The following IPO9 variants were observed in gnomAD, a reference collection of about 807,000 sequenced individuals.
IPO9 encodes the protein importin 9.
Under a neutral mutation model 128.6 loss-of-function variants are expected in IPO9, and 28 were observed. The observed-to-expected ratio is 0.22, with a 90% CI of 0.16 to 0.30. IPO9 has a LOEUF of 0.30. Ranked by LOEUF, IPO9 falls within the 10% of genes least tolerant of loss-of-function variation. The pLI, the probability that IPO9 is intolerant of heterozygous loss-of-function variation, is 1.00. For missense variants in IPO9, 935 were observed against 1,293.9 expected (o/e 0.72, Z 4.26); for synonymous variants, 455 against 475.8 (o/e 0.96, Z 0.57).
intron 6 of IPO9, among the ~76,000 whole-genome samples, chr1:201,854,148 T>TA (rs1242388291): frequency 6.6e-6 from 1 of 152,212 alleles, no homozygotes; most frequent in African/African-American, 2.4e-5. Context: ...GCTAGGATTA[T>TA]AGGTGTGAGC....
intron 1 of IPO9, among the ~76,000 whole-genome samples, chr1:201,833,801 T>A (rs1571536174): frequency 6.6e-6 from 1 of 152,256 alleles, no homozygotes; most frequent in Non-Finnish European, 1.5e-5. Flanking sequence ...TTCTTTTTTT[T>A]AAGATACAGA....
At chr1:201,855,707 T>C in intron 9 of IPO9, 76 bp from the exon 10 acceptor site, 1 of 1,269,474 alleles carries the variant, frequency 7.9e-7, no homozygotes, top group Non-Finnish European at 1.1e-6. Flanking sequence ...ACAAAGGTTA[T>C]GTAGTTCATT....
chr1:201,863,619 A>C lies in IPO9; in HGVS notation c.1628+12A>C, dbSNP rs1422259532. 1 of 1,561,478 alleles carries C rather than the reference A, an allele frequency of 6.4e-7. No homozygotes were observed. On this transcript the variant is annotated intron_variant, in intron 14 of 23. Transcript: ENST00000361565. The stretch of plus-strand genomic sequence containing the variant: ...AGAGCCATCTGGGGGTGAGTATGCT[A>C]CCCTAGCGTGATAATTAAGGGAAAG...
chr1:201,829,635 A>T (rs1679792853), intron 1 of IPO9: 1 of 363,570 alleles, frequency 2.8e-6, no homozygotes, highest in Non-Finnish European at 5.0e-6. Flanking sequence ...TGGAGCCTAG[A>T]ATCTGCAGGG....
In IPO9 at chr1:201,870,489, A is replaced by G; in HGVS notation, c.2134-94A>G. 1 of 1,400,574 alleles carries G rather than the reference A, an allele frequency of 7.1e-7. No homozygotes were observed. The highest frequency in any genetic ancestry group is 1.4e-5 in the South Asian group (1 of 71,970). 86.8% of individuals were successfully genotyped at this position (1,400,574 alleles called of 1,614,324 possible). A position where few individuals can be genotyped will look rare whatever the true frequency, so the allele number is the denominator to read the frequency against. ...TATAGACTCACCGCTTTTATGAGGC[A>G]TAGGCCTCTGGGAACATTTGTTTAT... On this transcript the variant is annotated intron_variant, in intron 17 of 23. Transcript: ENST00000361565. This position sits in a 1 kb window ranked among gnomAD's most constrained non-coding sequence, Gnocchi z 4.9.
intron 14 of IPO9, 47 bp from the exon 15 acceptor site, chr1:201,866,686 G>T (rs1438256834): frequency 7.1e-7 from 1 of 1,416,996 alleles, no homozygotes; most frequent in Non-Finnish European, 1.0e-6. Context: ...GGGAAAACCA[G>T]GAATTGAATT....
chr1:201,869,122 G>C (rs890746393), intron 16 of IPO9, among the ~76,000 whole-genome samples: 1 of 152,162 alleles, frequency 6.6e-6, no homozygotes, highest in African/African-American at 2.4e-5. Flanking sequence ...ATGGTGGCAG[G>C]CATCTGCAGT....
intron 1 of IPO9, 118 bp from the exon 2 acceptor site, chr1:201,847,161 T>A: frequency 1.3e-6 from 1 of 762,522 alleles, no homozygotes; most frequent in Middle Eastern, 3.5e-4. Flanking sequence ...TTATCAGCTC[T>A]TTTTGAAACA....
intron 1 of IPO9, among the ~76,000 whole-genome samples, chr1:201,839,626 T>G (rs540743965): frequency 6.8e-6 from 1 of 147,584 alleles, no homozygotes; most frequent in East Asian, 2.0e-4. Flanking sequence ...TAGACCCATA[T>G]CTCACACTAG....
At chr1:201,845,291 C>T (rs929953623) in intron 1 of IPO9, among the ~76,000 whole-genome samples, 2 of 152,216 alleles carry the variant, frequency 1.3e-5, no homozygotes, top group East Asian at 1.9e-4. Context: ...TCTGGGATTA[C>T]AGGCGTGAGC....
At chr1:201,869,120 AG>A (rs1680606162) in intron 16 of IPO9, among the ~76,000 whole-genome samples, 1 of 152,206 alleles carries the variant, frequency 6.6e-6, no homozygotes, top group Non-Finnish European at 1.5e-5. Flanking sequence ...GCATGGTGGC[AG>A]GCATCTGCAG....
chr1:201,866,850 G>A lies in IPO9; in HGVS notation c.1746G>A (p.Leu582=). Residue 582 remains leucine (L), a synonymous_variant, in exon 15 of 24, where the codon CTG becomes CTA. Transcript: ENST00000361565. The part of the protein sequence containing the change: ...AAQFSSEVLN[L]VMETLCIVCT... The stretch of plus-strand genomic sequence containing the variant: ...AGTTCAGCTCAGAGGTCCTCAACCT[G>A]GTGATGGAGACCCTGTGCATCGTTT... The A allele has an allele frequency of 6.2e-7, 1 of 1,614,168 alleles. No individual in the cohort carries two copies. The highest frequency in any genetic ancestry group is 1.3e-5 in the African/African-American group (1 of 75,024).
In IPO9 at chr1:201,854,608, T is replaced by A; in HGVS notation, c.704T>A (p.Val235Asp). 1 of 1,613,990 alleles carries A rather than the reference T, an allele frequency of 6.2e-7. No homozygotes were observed. The highest frequency in any genetic ancestry group is 1.1e-5 in the South Asian group (1 of 91,070). Residue 235 changes from valine (V) to aspartate (D), a missense_variant, in exon 7 of 24, where the codon GTC (valine) becomes GAC (aspartate). Physicochemically the swap from Val to Asp is radical, Grantham distance 152. This residue lies in a region of IPO9 where 741 missense variants were observed against 1,019.1 expected (regional missense o/e 0.73). Transcript: ENST00000361565. Reference protein sequence around the residue: ...MEELEKGAAKVLIFPVVQQFT... With the variant: ...MEELEKGAAKDLIFPVVQQFT... Reference sequence around the variant, plus strand: ...TTCTGTTATCAGGGTGCAGCCAAAGTCCTGATCTTTCCCGTGGTACAGCAG... The same window carrying A: ...TTCTGTTATCAGGGTGCAGCCAAAGACCTGATCTTTCCCGTGGTACAGCAG...
intron 4 of IPO9, among the ~76,000 whole-genome samples, chr1:201,849,845 TCTCTGCTTATTGCCCTTTC>T (rs975185236): frequency 1.3e-5 from 2 of 152,242 alleles, no homozygotes; most frequent in African/African-American, 4.8e-5. Flanking sequence ...GATTTTGACT[TCTCTGCTTATTGCCCTTTC>T]TTCTGCTTAA....
chr1:201,853,991 C>T (rs1476447158), intron 6 of IPO9, among the ~76,000 whole-genome samples: 1 of 152,192 alleles, frequency 6.6e-6, no homozygotes, highest in Non-Finnish European at 1.5e-5. Flanking sequence ...CCACCTCGGC[C>T]TCCCAAAGTG....
At chr1:201,866,480 A>AAC (rs1176028154) in intron 14 of IPO9, among the ~76,000 whole-genome samples, 1 of 151,496 alleles carries the variant, frequency 6.6e-6, no homozygotes, top group Non-Finnish European at 1.5e-5. Context: ...CAGGATGCAA[A>AAC]AAAAAAAAAC....
chr1:201,836,177 A>G (rs2102868194), intron 1 of IPO9, among the ~76,000 whole-genome samples: 1 of 150,806 alleles, frequency 6.6e-6, no homozygotes, highest in Non-Finnish European at 1.5e-5. Context: ...AAGTCCCCCA[A>G]CACACACACA....
intron 1 of IPO9, among the ~76,000 whole-genome samples, chr1:201,831,324 C>T (rs2644110): frequency 0.99 from 151,375 of 152,338 alleles, 75,215 homozygotes; most frequent in East Asian, 1. Flanking sequence ...GGAAAGGCAT[C>T]GATGCAGTGA....
At chr1:201,832,083 G>C (rs1679846449) in intron 1 of IPO9, among the ~76,000 whole-genome samples, 1 of 151,060 alleles carries the variant, frequency 6.6e-6, no homozygotes, top group African/African-American at 2.4e-5. Flanking sequence ...TGTATTTTTA[G>C]TAGAGACGAG....
Sources: allele counts gnomAD v4.1 joint callset (sites outside exome capture counted in the v4.1 genomes callset), GRCh38; gene constraint gnomAD v4.1.1; regional missense constraint gnomAD v4.1.1; non-coding constraint Gnocchi (gnomAD v3.1); transcripts MANE v1.5; gene names NCBI Gene and HGNC (gene_info 2026-07-23, HGNC 2026-07-21).